VPS13B: variants seen among roughly 807,000 people sequenced by gnomAD.
VPS13B encodes the protein intermembrane lipid transfer protein VPS13B.
A neutral mutation model predicts 426.4 loss-of-function variants in VPS13B; 285 were observed. That is an observed-to-expected ratio of 0.67 (90% confidence interval 0.61 to 0.74). VPS13B has a LOEUF of 0.74. Among genes scored for constraint, VPS13B ranks in the 30% least tolerant of loss-of-function variants. VPS13B has a pLI of 0.00. For missense variants in VPS13B, 4,537 were observed against 4,782.6 expected (o/e 0.95, Z 1.51); for synonymous variants, 1,676 against 1,676.4 (o/e 1.00, Z 0.01).
intron 43 of VPS13B, among the ~76,000 whole-genome samples, chr8:99,795,996 G>A (rs1475002190): frequency 6.6e-6 from 1 of 152,180 alleles, no homozygotes; most frequent in Non-Finnish European, 1.5e-5. Flanking sequence ...TGTCTTGGAG[G>A]TGAGCTTGCA....
chr8:99,404,195 A>G (rs1815206051), intron 21 of VPS13B, among the ~76,000 whole-genome samples: 1 of 152,214 alleles, frequency 6.6e-6, no homozygotes, highest in Admixed American at 6.5e-5. Context: ...GTTCTTTGAG[A>G]ACACATTGCA....
At chr8:99,401,456 C>G (rs567160693) in intron 21 of VPS13B, among the ~76,000 whole-genome samples, 1 of 152,104 alleles carries the variant, frequency 6.6e-6, no homozygotes, top group South Asian at 2.1e-4. Context: ...TTGAAGAGCC[C>G]TTGGCAATTC....
chr8:99,358,139 T>C (rs1223634727), intron 19 of VPS13B, among the ~76,000 whole-genome samples: 1 of 152,180 alleles, frequency 6.6e-6, no homozygotes, highest in Non-Finnish European at 1.5e-5. Context: ...CCATCCCTCA[T>C]GTCTGTCTGA....
intron 23 of VPS13B, among the ~76,000 whole-genome samples, chr8:99,452,220 A>G (rs1018529942): frequency 6.6e-6 from 1 of 152,172 alleles, no homozygotes; most frequent in African/African-American, 2.4e-5. Context: ...GCCTTAGCAT[A>G]TGCTACAAAC....
chr8:99,866,577 C>T (rs935852765), intron 58 of VPS13B, among the ~76,000 whole-genome samples: 2 of 152,248 alleles, frequency 1.3e-5, no homozygotes, highest in Admixed American at 6.5e-5. Flanking sequence ...GTAACCGAAG[C>T]CTTCACTGTG....
intron 34 of VPS13B, among the ~76,000 whole-genome samples, chr8:99,642,832 C>T (rs146386182): frequency 1.5e-4 from 23 of 152,208 alleles, no homozygotes; most frequent in Admixed American, 3.3e-4. Flanking sequence ...CATAGGTATG[C>T]TTTCCATGTT....
chr8:99,566,408 T>A (rs946678056), intron 31 of VPS13B, among the ~76,000 whole-genome samples: 1 of 151,910 alleles, frequency 6.6e-6, no homozygotes, highest in African/African-American at 2.4e-5. Context: ...ACCAAAGCCC[T>A]AAATAGCCAG....
chr8:99,214,689 A>G (rs1165872928), intron 17 of VPS13B, among the ~76,000 whole-genome samples: 2 of 152,180 alleles, frequency 1.3e-5, no homozygotes, highest in Non-Finnish European at 2.9e-5. Flanking sequence ...TACTTTAACA[A>G]CATATTCATT....
chr8:99,755,141 G>A (rs1460586132), intron 39 of VPS13B, among the ~76,000 whole-genome samples: 3 of 152,078 alleles, frequency 2.0e-5, no homozygotes, highest in Admixed American at 2.0e-4. Context: ...TGCCTGCTCA[G>A]GGAAGACCTG....
chr8:99,485,307 A>G (rs1002967692), intron 25 of VPS13B, among the ~76,000 whole-genome samples: 1 of 152,210 alleles, frequency 6.6e-6, no homozygotes, highest in Non-Finnish European at 1.5e-5. Flanking sequence ...AGCTATAATT[A>G]TAAAATTATT....
chr8:99,089,124 C>T (rs2132406538), intron 3 of VPS13B, among the ~76,000 whole-genome samples: 1 of 152,230 alleles, frequency 6.6e-6, no homozygotes. Flanking sequence ...CATTTAATAG[C>T]TGTGTGATTT....
intron 21 of VPS13B, among the ~76,000 whole-genome samples, chr8:99,403,716 A>G (rs1042827558): frequency 2.6e-5 from 4 of 152,160 alleles, no homozygotes; most frequent in Non-Finnish European, 4.4e-5. Context: ...GGGGCATGAG[A>G]TATAATGCCA....
chr8:99,459,461 A>T (rs1818715178), intron 23 of VPS13B, among the ~76,000 whole-genome samples: 1 of 152,156 alleles, frequency 6.6e-6, no homozygotes, highest in South Asian at 2.1e-4. Context: ...TTGTTGTGCA[A>T]ACATCATAGA....
At chr8:99,367,370 T>A (rs2133252738) in intron 19 of VPS13B, among the ~76,000 whole-genome samples, 1 of 152,344 alleles carries the variant, frequency 6.6e-6, no homozygotes, top group East Asian at 1.9e-4. Flanking sequence ...CTGCCAGACA[T>A]ATTGGAGCTC....
At chr8:99,022,120 A>T in intron 2 of VPS13B, among the ~76,000 whole-genome samples, 1 of 148,884 alleles carries the variant, frequency 6.7e-6, no homozygotes, top group African/African-American at 2.5e-5. Flanking sequence ...TTTGTCATTT[A>T]TTTTTGTTCT....
chr8:99,422,408 G>T (rs1319744686), intron 21 of VPS13B, among the ~76,000 whole-genome samples: 1 of 152,066 alleles, frequency 6.6e-6, no homozygotes, highest in African/African-American at 2.4e-5. Context: ...ATACTGCTTG[G>T]AAATATTAGC....
intron 33 of VPS13B, among the ~76,000 whole-genome samples, chr8:99,585,891 C>T (rs1826278170): frequency 6.6e-6 from 1 of 152,140 alleles, no homozygotes; most frequent in South Asian, 2.1e-4. Flanking sequence ...TAAGCAAAAA[C>T]TGATCATATG....
At chr8:99,400,145 GT>G (rs1814956088) in intron 21 of VPS13B, among the ~76,000 whole-genome samples, 2 of 152,186 alleles carry the variant, frequency 1.3e-5, no homozygotes, top group African/African-American at 4.8e-5. Context: ...GGTAAATTAT[GT>G]TGAAAAATTG....
chr8:99,631,003 T>C (rs547350978), intron 33 of VPS13B, among the ~76,000 whole-genome samples: 1 of 152,200 alleles, frequency 6.6e-6, no homozygotes, highest in Non-Finnish European at 1.5e-5. Context: ...GTAAAATGGA[T>C]AGGTGATGTT....
Sources: gnomAD v4.1 joint callset for allele counts (sites outside exome capture counted in the v4.1 genomes callset) on GRCh38, gnomAD v4.1.1 for gene constraint, MANE v1.5 for transcripts, NCBI Gene and HGNC (gene_info 2026-07-23, HGNC 2026-07-21) for gene names.